The following NPAS3 variants were observed in gnomAD, a reference collection of about 807,000 sequenced individuals.
NPAS3 encodes neuronal PAS domain protein 3, also known as neuronal PAS domain-containing protein 3.
NPAS3 carries 14 observed loss-of-function variants against 73.1 expected under a neutral mutation model. The observed-to-expected ratio is 0.19, with a 90% CI of 0.13 to 0.30. The LOEUF (loss-of-function observed/expected upper bound fraction) is 0.30. Ranked by LOEUF, NPAS3 falls within the 10% of genes least tolerant of loss-of-function variation. NPAS3 has a pLI of 1.00. For synonymous variants in NPAS3, 620 were observed against 541.5 expected, an observed-to-expected ratio of 1.14 and a Z score of -2.01; for missense variants, 1,096 against 1,250.0, an observed-to-expected ratio of 0.88 and a Z score of 1.86.
intron 4 of NPAS3, among the ~76,000 whole-genome samples, chr14:33,404,350 T>A (rs116724710): frequency 0.016 from 2,501 of 152,194 alleles, 75 homozygotes; most frequent in African/African-American, 0.057. Context: ...GGAAGGAGCC[T>A]CTGGTAGCCA....
At chr14:33,444,098 T>C (rs1000360752) in intron 4 of NPAS3, among the ~76,000 whole-genome samples, 3 of 152,228 alleles carry the variant, frequency 2.0e-5, no homozygotes, top group Non-Finnish European at 4.4e-5. Flanking sequence ...TCAAGTCACC[T>C]TGAGAGACAT....
At chr14:33,152,682 T>C (rs528687627) in intron 2 of NPAS3, among the ~76,000 whole-genome samples, 1 of 152,330 alleles carries the variant, frequency 6.6e-6, no homozygotes, top group East Asian at 1.9e-4. Context: ...CATTTTCATA[T>C]AGCATCTGGC....
chr14:33,630,757 G>C (rs2140135298), intron 5 of NPAS3, among the ~76,000 whole-genome samples: 1 of 152,272 alleles, frequency 6.6e-6, no homozygotes, highest in Middle Eastern at 3.4e-3. Context: ...GGGAGGGCTT[G>C]CTGTGACGTC....
chr14:33,763,845 G>T (rs576159908), intron 7 of NPAS3, among the ~76,000 whole-genome samples: 5 of 145,134 alleles, frequency 3.4e-5, no homozygotes, highest in South Asian at 2.2e-4. Context: ...GGGAGTATTG[G>T]TTTTTTTTTT....
At chr14:33,705,871 C>T (rs2060643194) in intron 6 of NPAS3, among the ~76,000 whole-genome samples, 1 of 152,198 alleles carries the variant, frequency 6.6e-6, no homozygotes, top group Admixed American at 6.5e-5. Flanking sequence ...GAAATCAAAT[C>T]ATCTGTCAAG....
At chr14:33,520,859 C>T (rs1428650716) in intron 4 of NPAS3, among the ~76,000 whole-genome samples, 1 of 152,122 alleles carries the variant, frequency 6.6e-6, no homozygotes, top group Non-Finnish European at 1.5e-5. Context: ...GTACTGTACG[C>T]ATTAATCAAT....
At chr14:33,155,894 TA>T (rs2044629459) in intron 2 of NPAS3, among the ~76,000 whole-genome samples, 1 of 152,218 alleles carries the variant, frequency 6.6e-6, no homozygotes, top group South Asian at 2.1e-4. Context: ...TTTACTACTC[TA>T]AAGAGACTAC....
At chr14:32,943,123 G>C (rs1241842558) in intron 1 of NPAS3, among the ~76,000 whole-genome samples, 1 of 151,608 alleles carries the variant, frequency 6.6e-6, no homozygotes, top group Non-Finnish European at 1.5e-5. Context: ...CACTAGATTT[G>C]ATTCCTTACA....
intron 5 of NPAS3, among the ~76,000 whole-genome samples, chr14:33,638,418 A>ACTAT (rs1265614031): frequency 6.6e-6 from 1 of 152,244 alleles, no homozygotes; most frequent in Non-Finnish European, 1.5e-5. Context: ...TCTTCTACTT[A>ACTAT]CTATCTACGT....
At chr14:33,502,212 A>T (rs1408850362) in intron 4 of NPAS3, among the ~76,000 whole-genome samples, 1 of 151,920 alleles carries the variant, frequency 6.6e-6, no homozygotes, top group Non-Finnish European at 1.5e-5. Context: ...ATTTATGAAA[A>T]GCACCTCTTT....
At chr14:33,789,329 G>C (rs1416006245) in intron 9 of NPAS3, among the ~76,000 whole-genome samples, 1 of 152,136 alleles carries the variant, frequency 6.6e-6, no homozygotes, top group Non-Finnish European at 1.5e-5. Flanking sequence ...GCCAACAAGA[G>C]CCTCCTGGTT....
At chr14:33,528,660 T>A (rs1004998977) in intron 4 of NPAS3, among the ~76,000 whole-genome samples, 1 of 152,006 alleles carries the variant, frequency 6.6e-6, no homozygotes. Context: ...TGCGAAAAAG[T>A]TGCATTTACC....
chr14:33,224,335 C>T (rs543280045), intron 3 of NPAS3, among the ~76,000 whole-genome samples: 2 of 152,256 alleles, frequency 1.3e-5, no homozygotes, highest in Admixed American at 1.3e-4. Context: ...TGAAATTGTA[C>T]TGTGGCTTTA....
chr14:33,636,903 G>GCACACACACA (rs34527893), intron 5 of NPAS3, among the ~76,000 whole-genome samples: 9,024 of 149,216 alleles, frequency 0.06, 462 homozygotes, highest in African/African-American at 0.14. Context: ...CTCGGAGTGT[G>GCACACACACA]CACACACACA....
chr14:33,728,779 C>G (rs533913558), intron 6 of NPAS3, among the ~76,000 whole-genome samples: 3 of 152,142 alleles, frequency 2.0e-5, no homozygotes, highest in East Asian at 1.9e-4. Context: ...CAGGCCAACC[C>G]CCCTTTAACT....
At chr14:33,709,089 G>A (rs1379872724) in intron 6 of NPAS3, among the ~76,000 whole-genome samples, 2 of 152,210 alleles carry the variant, frequency 1.3e-5, no homozygotes, top group African/African-American at 4.8e-5. Flanking sequence ...TTGATTGAAT[G>A]AGTGGACAGT....
intron 1 of NPAS3, among the ~76,000 whole-genome samples, chr14:33,017,019 C>A (rs1360827507): frequency 6.6e-6 from 1 of 152,138 alleles, no homozygotes; most frequent in Non-Finnish European, 1.5e-5. Context: ...ACTAAAAGAA[C>A]CTGAAAACCT....
chr14:33,478,055 C>T (rs906092760), intron 4 of NPAS3, among the ~76,000 whole-genome samples: 3 of 152,102 alleles, frequency 2.0e-5, no homozygotes, highest in Non-Finnish European at 4.4e-5. Context: ...GAACTGGCAA[C>T]ACTCGCATGC....
intron 2 of NPAS3, among the ~76,000 whole-genome samples, chr14:33,183,864 G>A (rs779059187): frequency 6.6e-6 from 1 of 152,042 alleles, no homozygotes; most frequent in Non-Finnish European, 1.5e-5. Flanking sequence ...ATATTCATGT[G>A]CCCCATAAAT....
Sources: allele counts gnomAD v4.1 joint callset (sites outside exome capture counted in the v4.1 genomes callset), GRCh38; gene constraint gnomAD v4.1.1; transcripts MANE v1.5; gene names NCBI Gene and HGNC (gene_info 2026-07-23, HGNC 2026-07-21).